The following PCDHA5 variants were observed in gnomAD, a reference collection of about 807,000 sequenced individuals.
PCDHA5 encodes the protein protocadherin alpha 5.
A neutral mutation model predicts 61.6 loss-of-function variants in PCDHA5; 43 were observed. That is an observed-to-expected ratio of 0.70 (90% CI 0.55 to 0.90). PCDHA5 has a LOEUF of 0.90. Among genes scored for constraint, PCDHA5 ranks in the 40% least tolerant of loss-of-function variants. The pLI is 0.00. For synonymous variants in PCDHA5, 627 were observed against 543.9 expected, an observed-to-expected ratio of 1.15 and a Z score of -2.13; for missense variants, 1,298 against 1,222.7, an observed-to-expected ratio of 1.06 and a Z score of -0.92.
At chr5:140,882,543 G>T (rs1357197569) in intron 1 of PCDHA5, 4 of 1,614,236 alleles carry the variant, frequency 2.5e-6, no homozygotes, top group Non-Finnish European at 3.4e-6. Context: ...CGGATCGACC[G>T]CGAGGAGCTG....
chr5:140,841,513 C>G (rs2150316967), intron 1 of PCDHA5: 142,793 of 1,613,040 alleles, frequency 0.089, 1,768 homozygotes, highest in Non-Finnish European at 0.097. Flanking sequence ...CGCGCCTGTT[C>G]CGGGTGGCGT....
rs150074715 is a variant in PCDHA5, at chr5:140,835,873, T to G, written c.2352+11746T>G. The G allele has an allele frequency of 6.4e-4, 1,037 of 1,611,964 alleles. 10 individuals carry two copies. Among genetic ancestry groups the G allele is most frequent in the Admixed American group, 1.9e-3 (111 of 59,998 alleles). On this transcript the variant is annotated intron_variant, in intron 1 of 3. Transcript: ENST00000529859. Reference sequence around the variant, plus strand: ...CTGGTGTCCTACTCGCTGGTGGAGCTGCGGGTGGGCGAGCGCGCGCTGTCG... The same window carrying G: ...CTGGTGTCCTACTCGCTGGTGGAGCGGCGGGTGGGCGAGCGCGCGCTGTCG...
intron 1 of PCDHA5, among the ~76,000 whole-genome samples, chr5:140,961,121 T>A (rs551567804): frequency 6.6e-6 from 1 of 152,330 alleles, no homozygotes; most frequent in African/African-American, 2.4e-5. Context: ...TGCATCTTAA[T>A]GTCTTGGCAC....
At chr5:140,879,190 C>T (rs2057894732) in intron 1 of PCDHA5, among the ~76,000 whole-genome samples, 1 of 152,052 alleles carries the variant, frequency 6.6e-6, no homozygotes. Context: ...GTAATGGAGA[C>T]TTAAATTATG....
In PCDHA5 at chr5:140,851,110, A is replaced by G. The variant is rs2041963644; in HGVS notation, c.2352+26983A>G. On this transcript the variant is annotated intron_variant, in intron 1 of 3. Transcript: ENST00000529859. ...TAAATAGATATTTTTTGGGTGCTGA[A>G]TCAATTTTATTTAAATTTGTGATTA... 1.5e-6 allele frequency: 2 copies of G among 1,302,324 alleles called. 1 individual carries two copies. The highest frequency in any genetic ancestry group is 2.0e-6 in the Non-Finnish European group (2 of 1,004,926). 80.7% of individuals were successfully genotyped at this position (1,302,324 alleles called of 1,614,324 possible). A position where few individuals can be genotyped will look rare whatever the true frequency, so the allele number is the denominator to read the frequency against.
Position 140,835,022 on chromosome 5 carries a change from G to A in PCDHA5, c.2352+10895G>A. ...CTCCGGAGCTTCATTTATTGCTCACGGCCACCGATGGAGGCAAACCCGAGC... is the reference window on the plus strand; with the variant it reads ...CTCCGGAGCTTCATTTATTGCTCACAGCCACCGATGGAGGCAAACCCGAGC... On this transcript the variant is annotated intron_variant, in intron 1 of 3. Coordinates refer to ENST00000529859, the MANE Select transcript of PCDHA5 (RefSeq NM_018908.3). 3 of 1,341,264 alleles carry A rather than the reference G, an allele frequency of 2.2e-6. No individual in the cohort carries two copies. The South Asian group carries it at 4.2e-5, about 19-fold the overall frequency. 83.1% of individuals were successfully genotyped at this position (1,341,264 alleles called of 1,614,324 possible). A position where few individuals can be genotyped will look rare whatever the true frequency, so the allele number is the denominator to read the frequency against.
Position 140,896,030 on chromosome 5 carries a change from C to T in PCDHA5, c.2352+71903C>T, listed in dbSNP as rs180907288. On this transcript the variant is annotated intron_variant, in intron 1 of 3. Transcript: ENST00000529859. ...TTCTCCATGTTGGCCAGGCTGGTCT[C>T]GAACTCCTGACCTCAGGTGATCCGC... Among the ~76,000 whole-genome samples, 1,221 of 152,240 alleles carry T rather than the reference C, an allele frequency of 8.0e-3. 6 individuals are homozygous for T. The highest frequency in any genetic ancestry group is 0.019 in the African/African-American group (785 of 41,560).
chr5:140,823,563 G>C lies in PCDHA5; in HGVS notation c.1788G>C (p.Val596=). 1 of 1,613,948 alleles carries C rather than the reference G, an allele frequency of 6.2e-7. No homozygotes were observed. The highest frequency in any genetic ancestry group is 8.5e-7 in the Non-Finnish European group (1 of 1,179,922). Reference sequence around the variant, plus strand: ...ACGTGGTGGCGAAGGTGCGCGCAGTGGACCCTGATTCGGGCTACAACGCTT... The same window carrying C: ...ACGTGGTGGCGAAGGTGCGCGCAGTCGACCCTGATTCGGGCTACAACGCTT... The part of the protein sequence containing the change: ...AGHVVAKVRA[V]DPDSGYNAWL... Residue 596 remains valine, a synonymous_variant, in exon 1 of 4, where the codon GTG becomes GTC. Coordinates refer to ENST00000529859, the MANE Select transcript of PCDHA5 (RefSeq NM_018908.3).
intron 1 of PCDHA5, among the ~76,000 whole-genome samples, chr5:140,886,270 T>A (rs957205805): frequency 2.0e-5 from 3 of 151,996 alleles, no homozygotes; most frequent in Admixed American, 6.5e-5. Flanking sequence ...ATAGATAAAA[T>A]TTTTTAAAAT....
chr5:140,830,698 C>A, intron 1 of PCDHA5: 1 of 278,556 alleles, frequency 3.6e-6, no homozygotes, highest in Non-Finnish European at 6.4e-6. Flanking sequence ...ATCTGCACCT[C>A]AGAATTTTTG....
intron 3 of PCDHA5, among the ~76,000 whole-genome samples, chr5:141,003,899 A>G (rs1288060303): frequency 1.3e-5 from 2 of 152,200 alleles, no homozygotes; most frequent in East Asian, 1.9e-4. Context: ...AGGCCCATTC[A>G]TTTGGGTCTT....
intron 3 of PCDHA5, among the ~76,000 whole-genome samples, chr5:141,005,018 T>G (rs2098193299): frequency 6.6e-6 from 1 of 152,250 alleles, no homozygotes; most frequent in Non-Finnish European, 1.5e-5. Context: ...AGCTGCATTA[T>G]ATATAATTGC....
At chr5:140,841,702 T>C in intron 1 of PCDHA5, 2 of 1,613,896 alleles carry the variant, frequency 1.2e-6, no homozygotes, top group African/African-American at 1.3e-5. Context: ...AGGATGTTAA[T>C]GACAACCCGC....
At chr5:140,856,096 GCTT>G (rs782403061) in intron 1 of PCDHA5, 1 of 1,597,460 alleles carries the variant, frequency 6.3e-7, no homozygotes, top group South Asian at 1.1e-5. Flanking sequence ...TGCTGCTCTC[GCTT>G]CTTCTCCTCG....
Position 140,876,936 on chromosome 5 carries a change from G to C in PCDHA5, c.2352+52809G>C, listed in dbSNP as rs567563243. On this transcript the variant is annotated intron_variant, in intron 1 of 3. Transcript: ENST00000529859. ...GGGACGCGGACGCGCAGAAGAACGCGCTGGTGTCCTACTCGCTGGTGGAGC... is the reference window on the plus strand; with the variant it reads ...GGGACGCGGACGCGCAGAAGAACGCCCTGGTGTCCTACTCGCTGGTGGAGC... 190 of 1,613,730 alleles carry C rather than the reference G, an allele frequency of 1.2e-4. 1 individual carries two copies. The highest frequency in any genetic ancestry group is 1.5e-4 in the South Asian group (14 of 91,062).
chr5:140,954,405 G>T (rs246023), intron 1 of PCDHA5, among the ~76,000 whole-genome samples: 85,299 of 151,648 alleles, frequency 0.56, 24,568 homozygotes, highest in African/African-American at 0.69. Context: ...CCACCAACAG[G>T]GTAAAGGTGT....
chr5:140,828,047 T>C, intron 1 of PCDHA5: 1 of 1,543,604 alleles, frequency 6.5e-7, no homozygotes, highest in Non-Finnish European at 8.7e-7. Flanking sequence ...ATTTTATCTT[T>C]ATGCGGAAGA....
intron 1 of PCDHA5, among the ~76,000 whole-genome samples, chr5:140,914,464 A>T (rs923814955): frequency 5.9e-5 from 9 of 152,130 alleles, no homozygotes; most frequent in Non-Finnish European, 1.3e-4. Flanking sequence ...GTCTATGTGT[A>T]TCTTCATAGG....
intron 1 of PCDHA5, among the ~76,000 whole-genome samples, chr5:140,912,536 A>G (rs1554195402): frequency 2.0e-5 from 3 of 152,290 alleles, no homozygotes; most frequent in African/African-American, 4.8e-5. Flanking sequence ...GTACATGATC[A>G]TATTGTCAGC....
Sources: allele counts gnomAD v4.1 joint callset (sites outside exome capture counted in the v4.1 genomes callset), GRCh38; gene constraint gnomAD v4.1.1; transcripts MANE v1.5; gene names NCBI Gene and HGNC (gene_info 2026-07-23, HGNC 2026-07-21).